Variants in PAX6 observed in about 807,000 individuals in gnomAD.
PAX6 encodes paired box 6.
In PAX6, 7 loss-of-function variants were observed where a neutral mutation model predicts 60.7. The ratio of observed to expected loss-of-function variants is 0.12; its 90% CI spans 0.07 to 0.22. PAX6 has a LOEUF of 0.22. Among genes scored for constraint, PAX6 ranks in the 10% least tolerant of loss-of-function variants. The pLI is 1.00. For synonymous variants in PAX6, 208 were observed against 201.2 expected, an observed-to-expected ratio of 1.03 and a Z score of -0.29; for missense variants, 355 against 555.2, an observed-to-expected ratio of 0.64 and a Z score of 3.62.
At chr11:31,800,594 A>G in intron 8 of PAX6, 97 bp downstream of exon 8, 2 of 1,423,082 alleles carry the variant, frequency 1.4e-6, no homozygotes, top group East Asian at 4.5e-5. Flanking sequence ...GACATTCCCC[A>G]AGCATGGAAG....
chr11:31,806,009 A>G, intron 4 of PAX6: 1 of 232,546 alleles, frequency 4.3e-6, no homozygotes, highest in South Asian at 1.6e-4. Flanking sequence ...GCTAAGCCCA[A>G]AGGGGCCTCC....
chr11:31,790,756 T>G lies in PAX6; in HGVS notation c.1179A>C (p.Thr393=), dbSNP rs143477661. The G allele has an allele frequency of 7.3e-4, 1,180 of 1,614,128 alleles. 1 individual carries two copies. Among genetic ancestry groups the G allele is most frequent in the Non-Finnish European group, 9.4e-4 (1,114 of 1,180,024 alleles). ...TGCCCATTGGCTGACTGTTCATGTG[T>G]GTCTGCATATGTGGGGGGGTGTAGG... The part of the protein sequence containing the change: ...YDTYTPPHMQ[T]HMNSQPMGTS... Residue 393 remains threonine (T), a synonymous_variant, in exon 13 of 14, where the codon ACA becomes ACC. Transcript: ENST00000640368.
chr11:31,798,671 G>C (rs79528246), intron 8 of PAX6, among the ~76,000 whole-genome samples: 135 of 152,334 alleles, frequency 8.9e-4, no homozygotes, highest in South Asian at 6.4e-3. Flanking sequence ...CGGGTGGGGG[G>C]GTGGTGATTG....
At chr11:31,803,170 AG>A (rs1159291567) in intron 4 of PAX6, 1 of 391,496 alleles carries the variant, frequency 2.6e-6, no homozygotes, top group African/African-American at 2.1e-5. Flanking sequence ...ACACATGCCA[AG>A]GAACAAGTAC....
intron 12 of PAX6, chr11:31,792,958 T>G: frequency 2.5e-6 from 1 of 398,534 alleles, no homozygotes; most frequent in Non-Finnish European, 4.6e-6. Context: ...ATGAATCCCA[T>G]TTCTGATCCT....
At chr11:31,805,910 G>GA (rs1955641880) in intron 4 of PAX6, 1 of 6,118 alleles carries the variant, frequency 1.6e-4, no homozygotes, top group Admixed American at 5.4e-3. Context: ...TAGGCCCGTA[G>GA]TGGGGTGAGG....
intron 13 of PAX6, chr11:31,790,241 A>T: frequency 1.9e-6 from 1 of 516,134 alleles, no homozygotes; most frequent in Non-Finnish European, 3.3e-6. Context: ...AGTACCCCCC[A>T]CCCCAATCCA....
intron 12 of PAX6, chr11:31,792,652 C>T (rs558212937): frequency 6.5e-6 from 1 of 154,890 alleles, no homozygotes; most frequent in Admixed American, 6.3e-5. Context: ...CAACAAAGGT[C>T]TAGTACAAAC....
intron 8 of PAX6, among the ~76,000 whole-genome samples, chr11:31,798,520 G>C (rs746764179): frequency 4.8e-4 from 73 of 152,312 alleles, no homozygotes; most frequent in Non-Finnish European, 9.6e-4. Context: ...CCCCGGGAAC[G>C]TGAAGCGAAG....
rs533350331 is a variant in PAX6 at position 31,801,404 on chromosome 11, G to A, written c.399+157C>T. 167 of 1,525,498 alleles carry A rather than the reference G, an allele frequency of 1.1e-4. 3 individuals carry two copies. In the South Asian group the frequency reaches 2.0e-3, roughly 18 times the overall value. 94.5% of individuals were successfully genotyped at this position (1,525,498 alleles called of 1,614,324 possible). ...TTTCCAGACAGTCAAAGAAAAGTCA[G>A]GGCATTCCTCTCTGTTCCCCCAGGT... On this transcript the variant is annotated intron_variant, in intron 7 of 13. Coordinates refer to ENST00000640368, the MANE Select transcript of PAX6 (RefSeq NM_001368894.2).
intron 11 of PAX6, 30 bp downstream of exon 11, chr11:31,793,622 T>C (rs966736274): frequency 1.9e-6 from 3 of 1,613,914 alleles, no homozygotes; most frequent in African/African-American, 2.7e-5. Flanking sequence ...TTTAAAGACA[T>C]TGATTCGTAG....
rs371568746 is a variant in PAX6, at chr11:31,793,495, G to A, written c.1017C>T (p.Thr339=). Residue 339 remains threonine (T), a synonymous_variant, in exon 12 of 14, where the codon ACC becomes ACT. Transcript: ENST00000640368. ...LGRTDTALTN[T]YSALPPMPSF... ...TGGGCATAGGCGGCAGAGCGCTGTA[G>A]GTGTTTGTGAGGGCTGTGTCTGTTC... 7 of 1,614,126 alleles carry A rather than the reference G, an allele frequency of 4.3e-6. No individual in the cohort carries two copies. In the African/African-American group the frequency reaches 6.7e-5, roughly 15 times the overall value.
intron 7 of PAX6, 194 bp from the exon 8 acceptor site, chr11:31,801,050 T>A (rs1953668544): frequency 1.3e-6 from 1 of 767,676 alleles, no homozygotes; most frequent in Non-Finnish European, 2.2e-6. Context: ...GGAAATTTAG[T>A]TGGATAGAGA....
chr11:31,790,410 C>T, intron 13 of PAX6: 1 of 1,303,428 alleles, frequency 7.7e-7, no homozygotes, highest in Non-Finnish European at 9.8e-7. Flanking sequence ...ACCTACAGCT[C>T]AGTGGGCCCC....
chr11:31,791,713 A>T (rs993051971), intron 12 of PAX6: 1 of 152,166 alleles, frequency 6.6e-6, no homozygotes, highest in African/African-American at 2.4e-5. Context: ...TCCAAAATCC[A>T]TATGCTCAGA....
intron 9 of PAX6, 54 bp downstream of exon 9, chr11:31,794,576 A>T (rs1950940641): frequency 1.3e-6 from 2 of 1,575,164 alleles, no homozygotes; most frequent in Non-Finnish European, 1.7e-6. Flanking sequence ...TTTGTACTGA[A>T]GATGTGGCAT....
At chr11:31,816,678 C>A (rs187389456) in intron 1 of PAX6, 2 of 685,830 alleles carry the variant, frequency 2.9e-6, no homozygotes, top group Admixed American at 2.1e-5. Context: ...GCTCGTCCCC[C>A]GTTTCCAGGT....
chr11:31,804,245 G>A (rs1315459033), intron 4 of PAX6: 1 of 152,246 alleles, frequency 6.6e-6, no homozygotes, highest in East Asian at 1.9e-4. Context: ...AAGATCAGTC[G>A]GGGCGCTTGT....
chr11:31,793,208 C>A, intron 12 of PAX6: 1 of 681,970 alleles, frequency 1.5e-6, no homozygotes, highest in Admixed American at 2.0e-5. Flanking sequence ...GCAGATCAAC[C>A]TGACAAAACT....
Sources: gnomAD v4.1 joint callset for allele counts (sites outside exome capture counted in the v4.1 genomes callset) on GRCh38, gnomAD v4.1.1 for gene constraint, MANE v1.5 for transcripts, NCBI Gene and HGNC (gene_info 2026-07-23, HGNC 2026-07-21) for gene names.